KCNMA1: variants seen among roughly 807,000 people sequenced by gnomAD.
KCNMA1 encodes Calcium-activated potassium channel subunit alpha-1.
Under a neutral mutation model 140.0 loss-of-function variants are expected in KCNMA1, and 29 were observed. That is an observed-to-expected ratio of 0.21 (90% CI 0.15 to 0.28). The LOEUF is 0.28. Ranked by LOEUF, KCNMA1 falls within the 10% of genes least tolerant of loss-of-function variation. The pLI is 1.00. For missense variants in KCNMA1, 880 were observed against 1,602.2 expected, an observed-to-expected ratio of 0.55 and a Z score of 7.70; for synonymous variants, 612 against 611.9, an observed-to-expected ratio of 1.00 and a Z score of 0.00.
intron 26 of KCNMA1, among the ~76,000 whole-genome samples, chr10:76,890,172 A>G (rs10740460): frequency 0.8 from 121,338 of 152,180 alleles, 48,876 homozygotes; most frequent in African/African-American, 0.88. Context: ...CTGAATAACT[A>G]GGATTCGCAG....
At chr10:76,950,168 T>C (rs2065718847) in intron 21 of KCNMA1, among the ~76,000 whole-genome samples, 2 of 152,194 alleles carry the variant, frequency 1.3e-5, no homozygotes, top group South Asian at 4.1e-4. Context: ...AGAGATCTTA[T>C]ACCCTGAAAA....
chr10:77,218,755 C>T (rs111618334), intron 3 of KCNMA1, among the ~76,000 whole-genome samples: 88 of 152,240 alleles, frequency 5.8e-4, no homozygotes, highest in Non-Finnish European at 1.1e-3. Flanking sequence ...GGTGCAATCT[C>T]GGCTCACTGC....
At chr10:77,480,955 CAAA>C (rs11288201) in intron 1 of KCNMA1, among the ~76,000 whole-genome samples, 1 of 122,908 alleles carries the variant, frequency 8.1e-6, no homozygotes, top group Non-Finnish European at 1.8e-5. Flanking sequence ...ACTAAAAATA[CAAA>C]AAAAAAAAAA....
chr10:77,437,486 T>A (rs569287041), intron 1 of KCNMA1, among the ~76,000 whole-genome samples: 4 of 152,310 alleles, frequency 2.6e-5, no homozygotes, highest in South Asian at 4.1e-4. Context: ...CTTATATAGT[T>A]TTACAGCAGG....
At chr10:76,888,880 C>A (rs2038603621) in intron 27 of KCNMA1, among the ~76,000 whole-genome samples, 2 of 151,934 alleles carry the variant, frequency 1.3e-5, no homozygotes, top group Non-Finnish European at 2.9e-5. Context: ...GCCTGGCCAA[C>A]AAGCCTTCTC....
At chr10:76,941,140 GA>G (rs1290582223) in intron 23 of KCNMA1, among the ~76,000 whole-genome samples, 1 of 73,348 alleles carries the variant, frequency 1.4e-5, no homozygotes, top group African/African-American at 4.6e-5. Context: ...GAAGGGAAGG[GA>G]AGGGAAGGGA....
At chr10:77,375,717 G>T (rs977559857) in intron 2 of KCNMA1, among the ~76,000 whole-genome samples, 1 of 152,242 alleles carries the variant, frequency 6.6e-6, no homozygotes, top group Admixed American at 6.5e-5. Flanking sequence ...AGCTTCTTCA[G>T]GGCTTGCTCA....
intron 2 of KCNMA1, among the ~76,000 whole-genome samples, chr10:77,400,138 G>C (rs2096214062): frequency 6.6e-6 from 1 of 152,244 alleles, no homozygotes; most frequent in African/African-American, 2.4e-5. Flanking sequence ...CACAGCTTTG[G>C]GTTCTGAACA....
intron 1 of KCNMA1, among the ~76,000 whole-genome samples, chr10:77,496,912 G>A (rs1437595263): frequency 1.3e-5 from 2 of 151,996 alleles, no homozygotes; most frequent in Admixed American, 6.6e-5. Flanking sequence ...CTTCCCACTC[G>A]CCATCCTTAC....
intron 2 of KCNMA1, among the ~76,000 whole-genome samples, chr10:77,382,936 AT>A (rs1190504253): frequency 6.4e-5 from 9 of 141,018 alleles, no homozygotes; most frequent in Non-Finnish European, 1.4e-4. Flanking sequence ...ATATATACAT[AT>A]ATACACATAT....
chr10:77,194,682 T>C (rs2039839927), intron 3 of KCNMA1, among the ~76,000 whole-genome samples: 1 of 151,844 alleles, frequency 6.6e-6, no homozygotes, highest in Non-Finnish European at 1.5e-5. Flanking sequence ...GCCTAAGAGG[T>C]CTATTACAGT....
At chr10:77,215,853 G>T (rs1220090449) in intron 3 of KCNMA1, among the ~76,000 whole-genome samples, 1 of 151,764 alleles carries the variant, frequency 6.6e-6, no homozygotes, top group Non-Finnish European at 1.5e-5. Flanking sequence ...CCAGTGAGCA[G>T]TGAGCTTGCC....
chr10:77,589,658 G>A (rs1453178779), intron 1 of KCNMA1, among the ~76,000 whole-genome samples: 2 of 152,096 alleles, frequency 1.3e-5, no homozygotes, highest in African/African-American at 4.8e-5. Flanking sequence ...TGGCGCGTCT[G>A]GAGTTTGTTC....
chr10:77,357,848 CAGA>C (rs1288236949), intron 2 of KCNMA1, among the ~76,000 whole-genome samples: 3 of 152,032 alleles, frequency 2.0e-5, no homozygotes, highest in Non-Finnish European at 2.9e-5. Flanking sequence ...TGGTGAAATG[CAGA>C]AAGAACCACC....
chr10:77,413,469 G>A (rs1340857972), intron 1 of KCNMA1, among the ~76,000 whole-genome samples: 1 of 152,142 alleles, frequency 6.6e-6, no homozygotes, highest in Non-Finnish European at 1.5e-5. Flanking sequence ...CTGCATATTA[G>A]GGTATTAGGC....
chr10:77,047,523 A>C (rs1022833517), intron 14 of KCNMA1, among the ~76,000 whole-genome samples: 1 of 152,140 alleles, frequency 6.6e-6, no homozygotes, highest in African/African-American at 2.4e-5. Context: ...GTGATATGAG[A>C]ACTTTTTAAA....
At chr10:77,631,384 C>T (rs149949537) in intron 1 of KCNMA1, among the ~76,000 whole-genome samples, 16 of 152,330 alleles carry the variant, frequency 1.1e-4, no homozygotes, top group African/African-American at 3.8e-4. Context: ...CCAGGGATGT[C>T]TCCAAGGGAC....
At chr10:77,611,967 A>C (rs2087088584) in intron 1 of KCNMA1, among the ~76,000 whole-genome samples, 1 of 152,220 alleles carries the variant, frequency 6.6e-6, no homozygotes, top group African/African-American at 2.4e-5. Flanking sequence ...TAAAGTATAT[A>C]TTTGACTAGT....
At chr10:76,936,980 A>G (rs1018330068) in intron 23 of KCNMA1, among the ~76,000 whole-genome samples, 1 of 152,194 alleles carries the variant, frequency 6.6e-6, no homozygotes. Flanking sequence ...ATCATATAAA[A>G]CACAGATCCC....
Sources: gnomAD v4.1 joint callset for allele counts (sites outside exome capture counted in the v4.1 genomes callset) on GRCh38, gnomAD v4.1.1 for gene constraint, MANE v1.5 for transcripts, NCBI Gene and HGNC (gene_info 2026-07-23, HGNC 2026-07-21) for gene names.